The following AMMECR1L variants were observed in gnomAD, a reference collection of about 807,000 sequenced individuals.
AMMECR1L encodes AMMECR1-like protein.
In AMMECR1L, 4 loss-of-function variants were observed where a neutral mutation model predicts 36.8. The ratio of observed to expected loss-of-function variants is 0.11; its 90% confidence interval spans 0.05 to 0.25. The LOEUF (loss-of-function observed/expected upper bound fraction) is 0.25. Ranked by LOEUF, AMMECR1L falls within the 10% of genes least tolerant of loss-of-function variation. The pLI is 1.00. For missense variants in AMMECR1L, 232 were observed against 392.1 expected (o/e 0.59, Z 3.45); for synonymous variants, 147 against 148.0 (o/e 0.99, Z 0.05).
intron 7 of AMMECR1L, among the ~76,000 whole-genome samples, chr2:127,866,141 T>C (rs1422103173): frequency 1.3e-5 from 2 of 152,148 alleles, no homozygotes; most frequent in Non-Finnish European, 2.9e-5. Context: ...ATTTTACAGA[T>C]GAGGGGCCCA....
chr2:127,870,027 A>G (rs1026155599), intron 5 of AMMECR1L, among the ~76,000 whole-genome samples: 1 of 152,172 alleles, frequency 6.6e-6, no homozygotes, highest in Non-Finnish European at 1.5e-5. Flanking sequence ...TACTAAAAAA[A>G]TACAAATGGC....
Position 127,885,137 on chromosome 2 carries a change from T to A in AMMECR1L, c.-149+673A>T, listed in dbSNP as rs531168758. 32 of 984,066 alleles carry A rather than the reference T, an allele frequency of 3.3e-5. No homozygotes were observed. In the African/African-American group the frequency reaches 3.9e-4, roughly 12 times the overall value. The allele number at this position is 984,066 out of a possible 1,614,324, so 61.0% of individuals were successfully genotyped here. ...CGTGTCAGGTGGACGGATCATGGAA[T>A]GGGGGGCCAGCGGAGGTTAAGGAAG... On this transcript the variant is annotated intron_variant, in intron 1 of 7. Transcript: ENST00000272647.
rs1029639642 is a variant in AMMECR1L, at chr2:127,862,422, C to T, written c.*2672G>A. 2.0e-5 allele frequency: 3 copies of T among 153,800 alleles called. No individual in the cohort carries two copies. Among genetic ancestry groups the T allele is most frequent in the Non-Finnish European group, 2.9e-5 (2 of 68,090 alleles). The allele number at this position is 153,800 out of a possible 1,614,324, so 9.5% of individuals were successfully genotyped here. A position where few individuals can be genotyped will look rare whatever the true frequency, so the allele number is the denominator to read the frequency against. The stretch of plus-strand genomic sequence containing the variant: ...AGCGTGCAGAGAAGGCAGTTCAGTT[C>T]CAGTTCGGAGCTATCCTCTCCCTAT... On this transcript the variant is annotated 3_prime_UTR_variant, in exon 8 of 8. Transcript: ENST00000272647.
chr2:127,874,029 A>G lies in AMMECR1L; in HGVS notation c.206T>C (p.Leu69Pro), dbSNP rs773369287. The G allele has an allele frequency of 4.3e-6, 7 of 1,614,250 alleles. No homozygotes were observed. Among genetic ancestry groups the G allele is most frequent in the Non-Finnish European group, 5.1e-6 (6 of 1,180,052 alleles). The change falls in exon 3 of 8, where the codon CTG (leucine) becomes CCG (proline). Residue 69 changes from leucine to proline, a missense_variant. This residue lies in a region of AMMECR1L where 109 missense variants were observed against 128.1 expected (regional missense o/e 0.85). Transcript: ENST00000272647. This position sits in a 1 kb window ranked among gnomAD's most constrained non-coding sequence, Gnocchi z 5.2. The stretch of plus-strand genomic sequence containing the variant: ...TGTGATGGGAGAGTTTCCAGGTCCC[A>G]GAGTTAAGTCTGACACATTCTCCCG... ...SGRENVSDLTLGPGNSPITRM... is the reference protein window; with the variant it reads ...SGRENVSDLTPGPGNSPITRM...
intron 2 of AMMECR1L, among the ~76,000 whole-genome samples, chr2:127,883,429 G>C (rs565370837): frequency 2.0e-5 from 3 of 152,228 alleles, no homozygotes; most frequent in African/African-American, 7.2e-5. Context: ...TTAGCTTAAA[G>C]AAAAACATGT....
At chr2:127,868,624 C>T (rs1368980541) in intron 6 of AMMECR1L, among the ~76,000 whole-genome samples, 4 of 152,104 alleles carry the variant, frequency 2.6e-5, no homozygotes, top group African/African-American at 9.7e-5. Context: ...ACAGAATGCA[C>T]AAGCAACATG....
intron 2 of AMMECR1L, among the ~76,000 whole-genome samples, chr2:127,877,559 C>G (rs1691306585): frequency 6.6e-6 from 1 of 152,254 alleles, no homozygotes; most frequent in African/African-American, 2.4e-5. Context: ...TGGTCTTGAA[C>G]TCCTGACTTC....
At chr2:127,872,536 A>T (rs1411954592) in intron 3 of AMMECR1L, among the ~76,000 whole-genome samples, 1 of 152,130 alleles carries the variant, frequency 6.6e-6, no homozygotes, top group Non-Finnish European at 1.5e-5. Context: ...TTCTAGAGGC[A>T]ACTTAAGTTT....
rs1691755513 is a variant in AMMECR1L at position 127,885,830 on chromosome 2, C to T, written c.-169G>A. On this transcript the variant is annotated 5_prime_UTR_variant, in exon 1 of 8. Coordinates refer to ENST00000272647, the MANE Select transcript of AMMECR1L (RefSeq NM_001199140.2). ...CCCACCTTTTCTCCTGGCCCAGACG[C>T]GGCTGGGGCGGACGGGACCTCTCGC... 4 of 985,390 alleles carry T rather than the reference C, an allele frequency of 4.1e-6. No individual in the cohort carries two copies. Among genetic ancestry groups the T allele is most frequent in the Non-Finnish European group, 4.8e-6 (4 of 829,840 alleles). 61.0% of individuals were successfully genotyped at this position (985,390 alleles called of 1,614,324 possible). A position where few individuals can be genotyped will look rare whatever the true frequency, so the allele number is the denominator to read the frequency against.
At chr2:127,872,531 G>A (rs1327310376) in intron 3 of AMMECR1L, among the ~76,000 whole-genome samples, 1 of 152,070 alleles carries the variant, frequency 6.6e-6, no homozygotes, top group Non-Finnish European at 1.5e-5. Context: ...ATCATTTCTA[G>A]AGGCAACTTA....
chr2:127,885,085 C>T (rs1416316139), intron 1 of AMMECR1L: 55 of 885,590 alleles, frequency 6.2e-5, no homozygotes, highest in Non-Finnish European at 7.0e-5. Flanking sequence ...CAACCCACAG[C>T]CTGGGAAAGA....
At chr2:127,885,158 G>A in intron 1 of AMMECR1L, 1 of 985,252 alleles carries the variant, frequency 1.0e-6, no homozygotes, top group Non-Finnish European at 1.2e-6. Context: ...CGGAGGTTAA[G>A]GAAGGAGGGC....
At chr2:127,885,444 G>A (rs1002380247) in intron 1 of AMMECR1L, 44 of 978,594 alleles carry the variant, frequency 4.5e-5, no homozygotes, top group Non-Finnish European at 5.2e-5. Flanking sequence ...GGTGGGTGGG[G>A]GCCACCAGGC....
In AMMECR1L at chr2:127,869,624, G is replaced by A; in HGVS notation, c.634-80C>T. 1 of 1,200,008 alleles carries A rather than the reference G, an allele frequency of 8.3e-7. No homozygotes were observed. Among genetic ancestry groups the A allele is most frequent in the Non-Finnish European group, 1.2e-6 (1 of 808,144 alleles). 74.3% of individuals were successfully genotyped at this position (1,200,008 alleles called of 1,614,324 possible). ...CAGTCCCCACATATAAATCAACATT[G>A]TTCCCTGACCAGCTTAACACAGGCC... is the stretch of plus-strand genomic sequence containing the variant. On this transcript the variant is annotated intron_variant, in intron 5 of 7. Transcript: ENST00000272647. This position sits in a 1 kb window ranked among gnomAD's most constrained non-coding sequence, Gnocchi z 4.7.
chr2:127,878,990 G>A (rs1318156530), intron 2 of AMMECR1L, among the ~76,000 whole-genome samples: 2 of 152,086 alleles, frequency 1.3e-5, no homozygotes, highest in East Asian at 3.8e-4. Flanking sequence ...AGTATAATGA[G>A]CCCAATATTT....
intron 2 of AMMECR1L, among the ~76,000 whole-genome samples, chr2:127,878,557 G>A (rs1691352026): frequency 6.6e-6 from 1 of 152,214 alleles, no homozygotes; most frequent in East Asian, 1.9e-4. Context: ...CCACCTGACT[G>A]GTGAAACACT....
At chr2:127,876,144 T>C (rs2104767260) in intron 2 of AMMECR1L, among the ~76,000 whole-genome samples, 1 of 141,688 alleles carries the variant, frequency 7.1e-6, no homozygotes, top group East Asian at 2.1e-4. Flanking sequence ...AGCCGAGGAG[T>C]TTGAGACCAG....
At chr2:127,868,070 C>T (rs893171) in intron 6 of AMMECR1L, among the ~76,000 whole-genome samples, 13,576 of 152,014 alleles carry the variant, frequency 0.089, 1,629 homozygotes, top group African/African-American at 0.26. Flanking sequence ...GACGAGGTTT[C>T]GCCACCAGAC....
Position 127,865,183 on chromosome 2 carries a change from T to C in AMMECR1L, c.844A>G (p.Ile282Val), listed in dbSNP as rs762185100. ...LTRYRSEKVT[I>V]SYAEYIASRQ... ...GAAGCAATATACTCTGCGTAACTGA[T>C]TGTCACCTTCTCACTTCGGTACCTG... The change falls in exon 8 of 8, where the codon ATC becomes GTC. Residue 282 changes from isoleucine (I) to valine (V), a missense_variant. Ile to Val is a conservative substitution (Grantham distance 29). Coordinates refer to ENST00000272647, the MANE Select transcript of AMMECR1L (RefSeq NM_001199140.2). This position sits in a 1 kb window ranked among gnomAD's most constrained non-coding sequence, Gnocchi z 5.4. 28 of 1,612,738 alleles carry C rather than the reference T, an allele frequency of 1.7e-5. No individual in the cohort carries two copies. The highest frequency in any genetic ancestry group is 1.3e-4 in the East Asian group (6 of 44,788).
Sources: gnomAD v4.1 joint callset for allele counts (sites outside exome capture counted in the v4.1 genomes callset) on GRCh38, gnomAD v4.1.1 for gene constraint, gnomAD v4.1.1 regional missense constraint, Gnocchi (gnomAD v3.1) non-coding constraint, MANE v1.5 for transcripts, NCBI Gene and HGNC (gene_info 2026-07-23, HGNC 2026-07-21) for gene names.